PREX1: variants seen among roughly 807,000 people sequenced by gnomAD.
PREX1 encodes phosphatidylinositol 3,4,5-trisphosphate-dependent Rac exchanger 1 protein.
In PREX1, 41 loss-of-function variants were observed where a neutral mutation model predicts 198.3. The observed-to-expected ratio is 0.21, with a 90% CI of 0.16 to 0.27. The LOEUF (loss-of-function observed/expected upper bound fraction) is 0.27. PREX1 is among the 10% of genes least tolerant of loss of function. The pLI is 1.00. For missense variants in PREX1, 1,620 were observed against 2,200.7 expected, an observed-to-expected ratio of 0.74 and a Z score of 5.28; for synonymous variants, 843 against 887.2, an observed-to-expected ratio of 0.95 and a Z score of 0.89.
intron 1 of PREX1, among the ~76,000 whole-genome samples, chr20:48,756,146 T>A (rs1380339046): frequency 5.9e-5 from 9 of 152,204 alleles, no homozygotes; most frequent in Admixed American, 5.9e-4. Flanking sequence ...CGACCAGCCC[T>A]CCTTCTCTGA....
the PREX1 span, among the ~76,000 whole-genome samples, chr20:48,846,393 C>T: frequency 1.3e-5 from 2 of 152,200 alleles, no homozygotes; most frequent in Non-Finnish European, 2.9e-5. Flanking sequence ...TTGAACTTGA[C>T]TTCTGGCTTG....
chr20:48,853,193 A>G, the PREX1 span, among the ~76,000 whole-genome samples: 1 of 152,264 alleles, frequency 6.6e-6, no homozygotes, highest in Non-Finnish European at 1.5e-5. Context: ...GACTCACCAC[A>G]TACTTCTAAT....
intron 3 of PREX1, among the ~76,000 whole-genome samples, chr20:48,739,594 T>G (rs1175430620): frequency 6.6e-6 from 1 of 152,222 alleles, no homozygotes; most frequent in Non-Finnish European, 1.5e-5. Context: ...ACCTCATTTG[T>G]TAAATTACCC....
At chr20:48,772,319 G>A (rs2090239882) in intron 1 of PREX1, among the ~76,000 whole-genome samples, 1 of 152,238 alleles carries the variant, frequency 6.6e-6, no homozygotes, top group Non-Finnish European at 1.5e-5. Context: ...GCACAGGTAT[G>A]GCCCTGCAGG....
At chr20:48,805,338 C>T (rs984337735) in intron 1 of PREX1, among the ~76,000 whole-genome samples, 3 of 152,218 alleles carry the variant, frequency 2.0e-5, no homozygotes, top group South Asian at 2.1e-4. Context: ...GAAGGACAGG[C>T]GGGTGCAAGG....
chr20:48,689,570 C>T (rs962857333), intron 9 of PREX1, among the ~76,000 whole-genome samples: 13 of 152,056 alleles, frequency 8.5e-5, no homozygotes, highest in African/African-American at 2.9e-4. Flanking sequence ...CCACTTGGGC[C>T]ACATCCCCAC....
intron 6 of PREX1, among the ~76,000 whole-genome samples, chr20:48,707,411 C>A (rs116599595): frequency 0.014 from 2,196 of 152,288 alleles, 59 homozygotes; most frequent in African/African-American, 0.05. Flanking sequence ...CCTCTCCTCT[C>A]TGCAGCCAAA....
chr20:48,740,946 T>A (rs1433297323), intron 3 of PREX1, among the ~76,000 whole-genome samples: 1 of 152,256 alleles, frequency 6.6e-6, no homozygotes, highest in Non-Finnish European at 1.5e-5. Flanking sequence ...ACTCATTTTC[T>A]ATTTTCAATG....
chr20:48,656,965 C>A, intron 18 of PREX1, 75 bp downstream of exon 18: 2 of 1,501,380 alleles, frequency 1.3e-6, no homozygotes, highest in South Asian at 2.6e-5. Context: ...CAGGACAGTT[C>A]ATGCCACCCC....
chr20:48,834,830 G>T, the PREX1 span, among the ~76,000 whole-genome samples: 4 of 152,178 alleles, frequency 2.6e-5, no homozygotes, highest in Non-Finnish European at 5.9e-5. Context: ...AAAGTGCTGG[G>T]ATTACAGGTG....
Position 48,747,087 on chromosome 20 carries a change from A to G in PREX1, c.291+722T>C, listed in dbSNP as rs539441032. 2.6e-5 allele frequency among the ~76,000 whole-genome samples: 4 copies of G among 152,266 alleles called. No homozygotes were observed. In the East Asian group the frequency reaches 7.7e-4, roughly 29 times the overall value. The stretch of plus-strand genomic sequence containing the variant: ...TCTAAGACTCAGCTTTCTTATGCAA[A>G]TAATTCGGTGTAGAGCTGTCAACAT... On this transcript the variant is annotated intron_variant, in intron 2 of 39. Transcript: ENST00000371941.
intron 30 of PREX1, among the ~76,000 whole-genome samples, chr20:48,639,404 G>A (rs1047043116): frequency 6.6e-6 from 1 of 152,218 alleles, no homozygotes; most frequent in Non-Finnish European, 1.5e-5. Flanking sequence ...GCCAGCCGGT[G>A]TCCCTCATAC....
intron 14 of PREX1, among the ~76,000 whole-genome samples, chr20:48,668,293 C>T (rs929916262): frequency 1.3e-5 from 2 of 152,214 alleles, no homozygotes; most frequent in African/African-American, 4.8e-5. Context: ...GGAGGACAAG[C>T]TGAGTCAGGC....
intron 1 of PREX1, among the ~76,000 whole-genome samples, chr20:48,788,849 T>C (rs922138152): frequency 2.0e-5 from 3 of 152,012 alleles, no homozygotes; most frequent in Non-Finnish European, 2.9e-5. Flanking sequence ...ACCGGTGGCT[T>C]TGTAAGAAGA....
At chr20:48,705,673 T>A (rs2082751851) in intron 6 of PREX1, among the ~76,000 whole-genome samples, 1 of 152,240 alleles carries the variant, frequency 6.6e-6, no homozygotes, top group African/African-American at 2.4e-5. Context: ...ACGTCATTTT[T>A]TCTAGCTAGA....
intron 1 of PREX1, among the ~76,000 whole-genome samples, chr20:48,802,332 A>C (rs1342765191): frequency 6.6e-6 from 1 of 151,988 alleles, no homozygotes; most frequent in Non-Finnish European, 1.5e-5. Context: ...TGGTGCTCAG[A>C]TCTCTTCTCC....
chr20:48,874,008 C>T, the PREX1 span, among the ~76,000 whole-genome samples: 17 of 152,078 alleles, frequency 1.1e-4, no homozygotes, highest in African/African-American at 3.4e-4. Flanking sequence ...CTCAGCCTCC[C>T]GAGTAGCTGG....
Position 48,691,072 on chromosome 20 carries a change from G to T in PREX1, c.1061C>A (p.Thr354Asn), listed in dbSNP as rs1468877085. The change falls in exon 9 of 40, where the codon ACC (threonine) becomes AAC (asparagine). Residue 354 changes from threonine to asparagine, a missense_variant. By Grantham distance (65) the Thr-to-Asn change is moderately conservative. Coordinates refer to ENST00000371941, the MANE Select transcript of PREX1 (RefSeq NM_020820.4). This position sits in a 1 kb window ranked among gnomAD's most constrained non-coding sequence, Gnocchi z 5.0. The part of the protein sequence containing the change: ...GTADYHSNGY[T>N]VTNGWKIHNT... ...GTGGATCTTCCAGCCGTTGGTGACG[G>T]TATAGCCGTTGCTATGGTAATCCGC... The T allele has an allele frequency of 3.1e-6, 5 of 1,614,104 alleles. No homozygotes were observed. Among genetic ancestry groups the T allele is most frequent in the Non-Finnish European group, 4.2e-6 (5 of 1,180,050 alleles).
intron 10 of PREX1, among the ~76,000 whole-genome samples, chr20:48,685,914 A>C (rs1387530463): frequency 6.6e-6 from 1 of 152,176 alleles, no homozygotes; most frequent in East Asian, 1.9e-4. Context: ...AAGATAAATC[A>C]GACACTTTTT....
Sources: allele counts gnomAD v4.1 joint callset (sites outside exome capture counted in the v4.1 genomes callset), GRCh38; gene constraint gnomAD v4.1.1; non-coding constraint Gnocchi (gnomAD v3.1); transcripts MANE v1.5; gene names NCBI Gene and HGNC (gene_info 2026-07-23, HGNC 2026-07-21).